TRPC5: variants seen among roughly 807,000 people sequenced by gnomAD.
The protein encoded by TRPC5 is transient receptor potential cation channel subfamily C member 5.
Under a neutral mutation model 56.5 loss-of-function variants are expected in TRPC5, and 9 were observed. The ratio of observed to expected loss-of-function variants is 0.16; its 90% confidence interval spans 0.10 to 0.28. The LOEUF (loss-of-function observed/expected upper bound fraction) is 0.28. TRPC5 is among the 10% of genes least tolerant of loss of function. The pLI, the probability that TRPC5 is intolerant of heterozygous loss-of-function variation, is 1.00. For missense variants in TRPC5, 469 were observed against 748.9 expected, an observed-to-expected ratio of 0.63 and a Z score of 4.36; for synonymous variants, 282 against 278.5, an observed-to-expected ratio of 1.01 and a Z score of -0.13.
intron 1 of TRPC5, among the ~76,000 whole-genome samples, chrX:111,971,563 C>G (rs1264801332): frequency 9.0e-6 from 1 of 111,457 alleles, no homozygotes; most frequent in Non-Finnish European, 1.9e-5. Context: ...AGTCATACTG[C>G]TCAAAGGCAT....
intron 1 of TRPC5, among the ~76,000 whole-genome samples, chrX:111,979,277 T>C (rs1291164911): frequency 9.0e-6 from 1 of 111,207 alleles, no homozygotes; most frequent in East Asian, 2.8e-4. Context: ...CATGTGAAAA[T>C]AAGGACCTTT....
In TRPC5 at chrX:111,862,868, G is replaced by T. The variant is rs185884464; in HGVS notation, c.901-8762C>A. On this transcript the variant is annotated intron_variant, in intron 3 of 10. Transcript: ENST00000262839. The stretch of plus-strand genomic sequence containing the variant: ...TAGTTTCTTTGAACAGTGTTTTCTG[G>T]TTTTTTTCAGTGTACAAGTCTTACA... Among the ~76,000 whole-genome samples the T allele has an allele frequency of 4.1e-3, 453 of 111,488 alleles. 1 individual carries two copies. Among genetic ancestry groups the T allele is most frequent in the Middle Eastern group, 9.2e-3 (2 of 217 alleles).
At chrX:112,050,292 T>C (rs965786188) in intron 1 of TRPC5, among the ~76,000 whole-genome samples, 6 of 112,978 alleles carry the variant, frequency 5.3e-5, no homozygotes, top group Non-Finnish European at 9.4e-5. Flanking sequence ...GTTAACATAC[T>C]GAAGGAACCC....
At chrX:111,983,127 G>C (rs1452692808) in intron 1 of TRPC5, among the ~76,000 whole-genome samples, 1 of 111,594 alleles carries the variant, frequency 9.0e-6, no homozygotes, top group Non-Finnish European at 1.9e-5. Context: ...TGAGTTCCTT[G>C]ATCAAAAATA....
chrX:112,040,127 T>A (rs1393772771), intron 1 of TRPC5, among the ~76,000 whole-genome samples: 1 of 112,188 alleles, frequency 8.9e-6, no homozygotes, highest in Non-Finnish European at 1.9e-5. Context: ...AAGTAGCCTT[T>A]CAGTTATGGT....
rs1930204380 is a variant in TRPC5, at chrX:112,051,241, T to G, written c.-22+30638A>C. Reference sequence around the variant, plus strand: ...CGAGGTTTCATTTCCTACTATTTCCTTCTCTTGTTCCTCCACCTCTGGGGC... The same window carrying G: ...CGAGGTTTCATTTCCTACTATTTCCGTCTCTTGTTCCTCCACCTCTGGGGC... On this transcript the variant is annotated intron_variant, in intron 1 of 10. Transcript: ENST00000262839. Among the ~76,000 whole-genome samples, 5 of 112,357 alleles carry G rather than the reference T, an allele frequency of 4.5e-5. No individual in the cohort carries two copies. In the Admixed American group the frequency reaches 4.7e-4, roughly 11 times the overall value.
intron 7 of TRPC5, among the ~76,000 whole-genome samples, chrX:111,786,145 G>C (rs1945961822): frequency 9.0e-6 from 1 of 111,386 alleles, no homozygotes; most frequent in African/African-American, 3.3e-5. Context: ...GAAGGAAAAA[G>C]TGTTAAGGGC....
intron 7 of TRPC5, among the ~76,000 whole-genome samples, chrX:111,801,144 T>C (rs1244832623): frequency 8.9e-6 from 1 of 112,345 alleles, no homozygotes; most frequent in Non-Finnish European, 1.9e-5. Flanking sequence ...AATGGAATCA[T>C]AAAATATTGG....
At chrX:111,850,695 C>A (rs879033766) in intron 5 of TRPC5, among the ~76,000 whole-genome samples, 3 of 112,248 alleles carry the variant, frequency 2.7e-5, no homozygotes, top group South Asian at 3.8e-4. Context: ...ATTTACCCAG[C>A]TTAATAGAGC....
At chrX:111,919,648 T>C (rs1317960944) in intron 2 of TRPC5, among the ~76,000 whole-genome samples, 1 of 111,939 alleles carries the variant, frequency 8.9e-6, no homozygotes, top group Non-Finnish European at 1.9e-5. Flanking sequence ...CTGGGCAAAA[T>C]TATAAGGATT....
rs776742991 is a variant in TRPC5, at chrX:111,992,716, C to A, written c.-21-40275G>T. On this transcript the variant is annotated intron_variant, in intron 1 of 10. Coordinates refer to ENST00000262839, the MANE Select transcript of TRPC5 (RefSeq NM_012471.3). ...CTCCCGGGCTCAGGCAATTCTCCTG[C>A]CTCAGCCTCGTGAGTAGCTGGGATT... 2.8e-5 allele frequency among the ~76,000 whole-genome samples: 3 copies of A among 109,006 alleles called. No homozygotes were observed. The Admixed American group carries it at 3.0e-4, about 11-fold the overall frequency. The allele number at this position is 109,006 out of a possible 115,157, so 94.7% of individuals were successfully genotyped here. A position where few individuals can be genotyped will look rare whatever the true frequency, so the allele number is the denominator to read the frequency against.
chrX:111,815,944 T>A (rs1027939793), intron 7 of TRPC5, among the ~76,000 whole-genome samples: 2 of 111,289 alleles, frequency 1.8e-5, no homozygotes, highest in Non-Finnish European at 3.8e-5. Context: ...ATCAGGCTAC[T>A]ATGGAAAGAA....
chrX:112,051,217 G>A (rs1930203863), intron 1 of TRPC5, among the ~76,000 whole-genome samples: 1 of 112,120 alleles, frequency 8.9e-6, no homozygotes. Flanking sequence ...TAACTCCTTC[G>A]AGGTTTCATT....
chrX:111,840,693 C>T (rs1922706159), intron 6 of TRPC5, among the ~76,000 whole-genome samples: 1 of 111,790 alleles, frequency 8.9e-6, no homozygotes, highest in South Asian at 3.8e-4. Context: ...AGTTTGTACC[C>T]AGCTCTTTTG....
At chrX:111,958,602 G>A in intron 1 of TRPC5, among the ~76,000 whole-genome samples, 1 of 112,371 alleles carries the variant, frequency 8.9e-6, no homozygotes, top group East Asian at 2.8e-4. Context: ...ATGGGCTCGG[G>A]CAAGAAGCCC....
In TRPC5 at chrX:111,775,945, G is replaced by A. The variant is rs3027754; in HGVS notation, c.*368C>T. ...AAAATGGCATGAGATTCTGAGGATG[G>A]TCAGGAATCTGTGCGGCAACAAGAC... On this transcript the variant is annotated 3_prime_UTR_variant, in exon 11 of 11. Transcript: ENST00000262839. 9,087 of 138,023 alleles carry A rather than the reference G, an allele frequency of 0.066. 917 individuals carry two copies. Among genetic ancestry groups the A allele is most frequent in the African/African-American group, 0.27 (8,405 of 31,198 alleles). The allele number at this position is 138,023 out of a possible 1,213,427, so 11.4% of individuals were successfully genotyped here.
chrX:111,971,187 A>G (rs775865044), intron 1 of TRPC5, among the ~76,000 whole-genome samples: 30 of 111,476 alleles, frequency 2.7e-4, no homozygotes, highest in African/African-American at 8.8e-4. Context: ...TAACACGATA[A>G]AAGTTTGCAA....
At chrX:112,032,131 G>T (rs1039634761) in intron 1 of TRPC5, among the ~76,000 whole-genome samples, 11 of 110,504 alleles carry the variant, frequency 1.0e-4, no homozygotes, top group African/African-American at 3.6e-4. Context: ...GTGGCCAATA[G>T]GCATATGAAA....
rs1316681009 is a variant in TRPC5, at chrX:111,852,405, C to G, written c.1270G>C (p.Asp424His). 8.3e-7 allele frequency: 1 copy of G among 1,208,670 alleles called. No individual in the cohort carries two copies. Among genetic ancestry groups the G allele is most frequent in the Admixed American group, 2.2e-5 (1 of 45,592 alleles). ...FIWGEIKEMW[D>H]GGFTEYIHDW... Reference sequence around the variant, plus strand: ...TGGATGTATTCAGTAAATCCACCATCCCACATTTCCTTAATCTCACCCCAA... The same window carrying G: ...TGGATGTATTCAGTAAATCCACCATGCCACATTTCCTTAATCTCACCCCAA... The change falls in exon 5 of 11, where the codon GAT (aspartate) becomes CAT (histidine). Residue 424 changes from aspartate (D) to histidine (H), a missense_variant. This residue lies in a region of TRPC5 where 157 missense variants were observed against 360.0 expected (regional missense o/e 0.44). Transcript: ENST00000262839.
Sources: allele counts gnomAD v4.1 joint callset (sites outside exome capture counted in the v4.1 genomes callset), GRCh38; gene constraint gnomAD v4.1.1; regional missense constraint gnomAD v4.1.1; transcripts MANE v1.5; gene names NCBI Gene and HGNC (gene_info 2026-07-23, HGNC 2026-07-21).